The following SV2C variants were observed in gnomAD, a reference collection of about 807,000 sequenced individuals.
SV2C encodes solute carrier family 22 member B3.
A neutral mutation model predicts 79.7 loss-of-function variants in SV2C; 49 were observed. The ratio of observed to expected loss-of-function variants is 0.61; its 90% confidence interval spans 0.49 to 0.78. The LOEUF (loss-of-function observed/expected upper bound fraction) is 0.78, where lower values mean the gene tolerates loss of function less well. Among genes scored for constraint, SV2C ranks in the 30% least tolerant of loss-of-function variants. SV2C has a pLI of 0.00. For missense variants in SV2C, 833 were observed against 912.9 expected (o/e 0.91, Z 1.13); for synonymous variants, 334 against 333.2 (o/e 1.00, Z -0.03).
intron 8 of SV2C, among the ~76,000 whole-genome samples, chr5:76,292,676 A>G (rs1412115018): frequency 2.0e-5 from 3 of 152,202 alleles, no homozygotes; most frequent in Non-Finnish European, 2.9e-5. Context: ...AATTTTGTTT[A>G]TGTCTTGTTC....
chr5:76,130,921 G>A (rs1308657057), intron 1 of SV2C, among the ~76,000 whole-genome samples: 1 of 152,136 alleles, frequency 6.6e-6, no homozygotes, highest in Non-Finnish European at 1.5e-5. Context: ...CTGAAGGCCT[G>A]GGGGTAGTTT....
the SV2C span, among the ~76,000 whole-genome samples, chr5:75,884,629 T>C: frequency 8.5e-5 from 13 of 152,058 alleles, no homozygotes. Context: ...AAAAAACATA[T>C]TGTACAAGAA....
the SV2C span, among the ~76,000 whole-genome samples, chr5:75,981,397 C>T: frequency 6.6e-6 from 1 of 152,154 alleles, no homozygotes; most frequent in African/African-American, 2.4e-5. Context: ...CAAAAAAGAG[C>T]CTGAGTAGCC....
chr5:76,254,257 TAGAGAGAGAG>T (rs766602017), intron 4 of SV2C, among the ~76,000 whole-genome samples: 1 of 149,304 alleles, frequency 6.7e-6, no homozygotes, highest in African/African-American at 2.5e-5. Flanking sequence ...TATATATATA[TAGAGAGAGAG>T]AGAGAGATAT....
intron 4 of SV2C, among the ~76,000 whole-genome samples, chr5:76,245,910 G>T (rs911357064): frequency 2.3e-5 from 2 of 87,048 alleles, no homozygotes; most frequent in Non-Finnish European, 5.4e-5. Flanking sequence ...TGAGGCAGGG[G>T]AGTGTGTGTG....
At chr5:76,278,697 G>C (rs1747093891) in intron 4 of SV2C, among the ~76,000 whole-genome samples, 1 of 152,246 alleles carries the variant, frequency 6.6e-6, no homozygotes, top group Non-Finnish European at 1.5e-5. Context: ...GCCAGTTAGA[G>C]GACCAGCAGA....
chr5:75,904,321 T>C, the SV2C span, among the ~76,000 whole-genome samples: 25 of 151,904 alleles, frequency 1.6e-4, no homozygotes, highest in African/African-American at 6.0e-4. Flanking sequence ...AAGATATTTC[T>C]GATCTGGATT....
chr5:76,167,218 T>C (rs1043464430), intron 2 of SV2C, among the ~76,000 whole-genome samples: 9 of 152,262 alleles, frequency 5.9e-5, no homozygotes, highest in Admixed American at 2.6e-4. Flanking sequence ...ACTGGGAAAT[T>C]CACTTTACTA....
At chr5:75,869,082 C>T in the SV2C span, among the ~76,000 whole-genome samples, 28,243 of 151,916 alleles carry the variant, frequency 0.19, 3,245 homozygotes, top group African/African-American at 0.33. Context: ...TTTAGGTACC[C>T]GCTTGGCCAC....
chr5:75,993,333 G>A, the SV2C span, among the ~76,000 whole-genome samples: 2 of 151,928 alleles, frequency 1.3e-5, no homozygotes, highest in Non-Finnish European at 2.9e-5. Context: ...TTCAGCTTGT[G>A]CAGTCATTTT....
rs760236844 is a variant in SV2C at position 76,325,470 on chromosome 5, C to T, written c.2107C>T (p.Leu703=). Residue 703 remains leucine, a synonymous_variant, in exon 13 of 13, where the codon CTG becomes TTG. Transcript: ENST00000502798. ...VSITKSIPIL[L]ASTVLVCGGL... is the part of the protein sequence containing the mutation. ...CATCACCAAATCAATCCCCATCCTG[C>T]TGGCTTCTACTGTGCTCGTGTGTGG... The T allele has an allele frequency of 6.2e-7, 1 of 1,614,096 alleles. No individual in the cohort carries two copies. Among genetic ancestry groups the T allele is most frequent in the African/African-American group, 1.3e-5 (1 of 74,934 alleles).
intron 8 of SV2C, among the ~76,000 whole-genome samples, chr5:76,293,877 G>A (rs1185793885): frequency 6.6e-6 from 1 of 152,150 alleles, no homozygotes; most frequent in Admixed American, 6.5e-5. Context: ...TTAGATAACT[G>A]GCCCAAGTTT....
At chr5:76,032,173 A>T in the SV2C span, among the ~76,000 whole-genome samples, 2 of 152,218 alleles carry the variant, frequency 1.3e-5, no homozygotes, top group Admixed American at 1.3e-4. Flanking sequence ...TGATTAACTG[A>T]TACATGCAAG....
At chr5:76,132,516 C>T (rs1748936889) in intron 2 of SV2C, among the ~76,000 whole-genome samples, 186 bp downstream of exon 2, 1 of 152,104 alleles carries the variant, frequency 6.6e-6, no homozygotes. Flanking sequence ...TGTGTATACC[C>T]ACCACCTAGA....
rs368190131 is a variant in SV2C, at chr5:76,206,650, T to G, written c.762-3086T>G. ...ACATTGAAGAGTCTGGGAAATTCAG[T>G]TCTTTTGCGTAAACACTTAGCACAT... On this transcript the variant is annotated intron_variant, in intron 3 of 12. Coordinates refer to ENST00000502798, the MANE Select transcript of SV2C (RefSeq NM_014979.4). Among the ~76,000 whole-genome samples, 11 of 152,232 alleles carry G rather than the reference T, an allele frequency of 7.2e-5. No homozygotes were observed. In the East Asian group the frequency reaches 1.3e-3, roughly 19 times the overall value.
At chr5:76,265,813 A>G (rs930339209) in intron 4 of SV2C, among the ~76,000 whole-genome samples, 4 of 152,126 alleles carry the variant, frequency 2.6e-5, no homozygotes, top group African/African-American at 9.7e-5. Flanking sequence ...CCCACTGCCC[A>G]GCCAGTCCCA....
At chr5:76,079,195 A>C, upstream of SV2C, 1 of 347,298 alleles carries the variant, frequency 2.9e-6, no homozygotes, top group Non-Finnish European at 5.8e-6. Flanking sequence ...GTGATTTGGC[A>C]TATACCTGGG....
chr5:76,144,026 G>T (rs966919865), intron 2 of SV2C, among the ~76,000 whole-genome samples: 1 of 152,116 alleles, frequency 6.6e-6, no homozygotes, highest in African/African-American at 2.4e-5. Context: ...CTAATTTTCA[G>T]ACTGGGATTT....
chr5:75,868,616 A>G, the SV2C span, among the ~76,000 whole-genome samples: 1 of 152,146 alleles, frequency 6.6e-6, no homozygotes, highest in African/African-American at 2.4e-5. Flanking sequence ...ACAAAATAAA[A>G]CCTTCACTTT....
Sources: allele counts gnomAD v4.1 joint callset (sites outside exome capture counted in the v4.1 genomes callset), GRCh38; gene constraint gnomAD v4.1.1; transcripts MANE v1.5; gene names NCBI Gene and HGNC (gene_info 2026-07-23, HGNC 2026-07-21).